Variants in LCLAT1 observed in about 807,000 individuals in gnomAD.
LCLAT1 encodes the protein 1-AGP acyltransferase 8.
A neutral mutation model predicts 30.7 loss-of-function variants in LCLAT1; 11 were observed. The ratio of observed to expected loss-of-function variants is 0.36; its 90% CI spans 0.23 to 0.59. LCLAT1 has a LOEUF of 0.59. LCLAT1 is among the 20% of genes least tolerant of loss of function. LCLAT1 has a pLI of 0.77. For missense variants in LCLAT1, 402 were observed against 458.6 expected (o/e 0.88, Z 1.13); for synonymous variants, 155 against 151.3 (o/e 1.02, Z -0.18).
chr2:30,613,581 G>C (rs956946207), intron 5 of LCLAT1, among the ~76,000 whole-genome samples: 5 of 143,444 alleles, frequency 3.5e-5, no homozygotes, highest in Non-Finnish European at 1.5e-5. Flanking sequence ...GAAATAAGGG[G>C]AACCGGGGAA....
chr2:30,590,593 C>G (rs192222191), intron 5 of LCLAT1, among the ~76,000 whole-genome samples: 1 of 149,368 alleles, frequency 6.7e-6, no homozygotes, highest in Non-Finnish European at 1.5e-5. Flanking sequence ...ACAGGGAGGA[C>G]GGAAATGAAG....
At chr2:30,496,152 T>C (rs919767644) in intron 1 of LCLAT1, among the ~76,000 whole-genome samples, 1 of 152,092 alleles carries the variant, frequency 6.6e-6, no homozygotes, top group African/African-American at 2.4e-5. Context: ...CGAGATCTCA[T>C]GAGAACTTAC....
At chr2:30,466,435 T>C (rs993246796) in intron 1 of LCLAT1, among the ~76,000 whole-genome samples, 5 of 152,110 alleles carry the variant, frequency 3.3e-5, no homozygotes, top group African/African-American at 9.6e-5. Flanking sequence ...TTTACTGTCA[T>C]CCATATTTCT....
At chr2:30,518,491 A>G (rs1239473976) in intron 1 of LCLAT1, among the ~76,000 whole-genome samples, 2 of 152,206 alleles carry the variant, frequency 1.3e-5, no homozygotes, top group Admixed American at 6.5e-5. Context: ...ATCTATACCA[A>G]TTCTAAGTTA....
chr2:30,563,053 CT>C (rs77787354), intron 4 of LCLAT1, among the ~76,000 whole-genome samples: 3,187 of 146,530 alleles, frequency 0.022, 83 homozygotes, highest in African/African-American at 0.068. Flanking sequence ...AAATATTAAA[CT>C]TTTTTTTTTT....
intron 5 of LCLAT1, chr2:30,605,987 T>G: frequency 5.5e-6 from 7 of 1,281,088 alleles, no homozygotes; most frequent in Non-Finnish European, 7.1e-6. Context: ...GAGAATCTAA[T>G]GCTCCCCACT....
intron 5 of LCLAT1, among the ~76,000 whole-genome samples, chr2:30,637,647 A>T (rs908649304): frequency 1.5e-4 from 23 of 152,124 alleles, no homozygotes. Context: ...GCACGATCTC[A>T]GCTCACTGCA....
At chr2:30,624,360 T>C (rs1031835287) in intron 5 of LCLAT1, among the ~76,000 whole-genome samples, 1 of 152,200 alleles carries the variant, frequency 6.6e-6, no homozygotes, top group Non-Finnish European at 1.5e-5. Flanking sequence ...AAGTATCCGC[T>C]GTCTTCAAGA....
At chr2:30,561,212 G>A (rs1665204797) in intron 3 of LCLAT1, among the ~76,000 whole-genome samples, 4 of 152,130 alleles carry the variant, frequency 2.6e-5, no homozygotes, top group Admixed American at 2.6e-4. Flanking sequence ...CAAAGTGCTG[G>A]GATTACAGGC....
intron 5 of LCLAT1, among the ~76,000 whole-genome samples, chr2:30,570,822 G>A (rs1363318624): frequency 6.6e-6 from 1 of 152,198 alleles, no homozygotes; most frequent in Non-Finnish European, 1.5e-5. Context: ...AGATAACGGG[G>A]GAGCAGAGCA....
In LCLAT1 at chr2:30,611,778, A is replaced by G. The variant is rs10175656; in HGVS notation, c.629-28339A>G. On this transcript the variant is annotated intron_variant, in intron 5 of 5. Transcript: ENST00000379509. ...GGAAGTGGTTCATGAACCGCTTAGC[A>G]GACCACTTGAACTAATAGGAGGAGG... 8.9e-3 allele frequency among the ~76,000 whole-genome samples: 1,352 copies of G among 152,328 alleles called. 20 individuals are homozygous for G. The highest frequency in any genetic ancestry group is 0.03 in the African/African-American group (1,260 of 41,586).
intron 3 of LCLAT1, among the ~76,000 whole-genome samples, chr2:30,552,895 A>G (rs929311906): frequency 2.6e-5 from 4 of 152,210 alleles, no homozygotes; most frequent in African/African-American, 7.2e-5. Flanking sequence ...ATAGAGGCCT[A>G]TGGGTAGCAT....
chr2:30,505,729 G>A (rs559980887), intron 1 of LCLAT1, among the ~76,000 whole-genome samples: 1 of 148,496 alleles, frequency 6.7e-6, no homozygotes, highest in East Asian at 1.9e-4. Flanking sequence ...ACTCGTACTT[G>A]TAACGTTATA....
intron 1 of LCLAT1, among the ~76,000 whole-genome samples, chr2:30,448,581 A>G (rs1042833999): frequency 2.0e-5 from 3 of 152,250 alleles, no homozygotes; most frequent in African/African-American, 7.2e-5. Context: ...TGGAGTGCCA[A>G]CTATGTGTCA....
intron 5 of LCLAT1, among the ~76,000 whole-genome samples, chr2:30,639,662 T>C (rs938592511): frequency 6.7e-6 from 1 of 150,280 alleles, no homozygotes; most frequent in African/African-American, 2.5e-5. Context: ...AGTCTGATTT[T>C]AAGTTAAGTT....
chr2:30,498,124 A>G (rs1404276052), intron 1 of LCLAT1, among the ~76,000 whole-genome samples: 1 of 152,230 alleles, frequency 6.6e-6, no homozygotes, highest in African/African-American at 2.4e-5. Flanking sequence ...GCAAAAGTTT[A>G]ATAAGCGAAA....
chr2:30,481,225 C>T (rs565478198), intron 1 of LCLAT1, among the ~76,000 whole-genome samples: 95 of 152,218 alleles, frequency 6.2e-4, no homozygotes, highest in Non-Finnish European at 1.1e-3. Context: ...AATGGAAAGC[C>T]GTTAAAGGCT....
chr2:30,608,540 GTATAC>G (rs948304491), intron 5 of LCLAT1, among the ~76,000 whole-genome samples: 2 of 151,858 alleles, frequency 1.3e-5, no homozygotes, highest in African/African-American at 2.4e-5. Flanking sequence ...CCCTGTAGAG[GTATAC>G]TATTTTTTAT....
At chr2:30,557,867 A>C (rs1665002671) in intron 3 of LCLAT1, among the ~76,000 whole-genome samples, 1 of 152,210 alleles carries the variant, frequency 6.6e-6, no homozygotes, top group Non-Finnish European at 1.5e-5. Context: ...TTCTTTTATA[A>C]TGCTTTTAAA....
Sources: allele counts gnomAD v4.1 joint callset (sites outside exome capture counted in the v4.1 genomes callset), GRCh38; gene constraint gnomAD v4.1.1; transcripts MANE v1.5; gene names NCBI Gene and HGNC (gene_info 2026-07-23, HGNC 2026-07-21).